Variants in SLC41A1 observed in about 807,000 individuals in gnomAD.
The protein encoded by SLC41A1 is solute carrier family 41 (magnesium transporter), member 1.
In SLC41A1, 20 loss-of-function variants were observed where a neutral mutation model predicts 47.3. The ratio of observed to expected loss-of-function variants is 0.42; its 90% CI spans 0.30 to 0.61. The LOEUF (loss-of-function observed/expected upper bound fraction) is 0.61. Ranked by LOEUF, SLC41A1 falls within the 20% of genes least tolerant of loss-of-function variation. The pLI, the probability that SLC41A1 is intolerant of heterozygous loss-of-function variation, is 0.17. For synonymous variants in SLC41A1, 282 were observed against 272.7 expected (o/e 1.03, Z -0.34); for missense variants, 504 against 674.1 (o/e 0.75, Z 2.79).
chr1:205,796,810 G>C, intron 8 of SLC41A1, 114 bp downstream of exon 8: 1 of 1,042,478 alleles, frequency 9.6e-7, no homozygotes, highest in Non-Finnish European at 1.5e-6. Flanking sequence ...ATCTGAGCTA[G>C]ATTCTCGTCT....
chr1:205,798,201 G>T, intron 6 of SLC41A1, 150 bp from the exon 7 acceptor site: 1 of 1,251,430 alleles, frequency 8.0e-7, no homozygotes, highest in Non-Finnish European at 1.1e-6. Context: ...TTCACTGGCA[G>T]CTCAGGAGGT....
chr1:205,797,770 G>A, intron 7 of SLC41A1, 134 bp downstream of exon 7: 1 of 1,194,408 alleles, frequency 8.4e-7, no homozygotes, highest in Non-Finnish European at 1.2e-6. Flanking sequence ...ATTTTCAACA[G>A]AAGGACATGT....
At position 205,791,821 on chromosome 1, in the gene SLC41A1, C is replaced by A; in HGVS notation, c.1357-103G>T. ...TCAGTGCATCACAGGGCTTGGCTGG[C>A]CATAATCCTTACTTTTTAATCTTCC... On this transcript the variant is annotated intron_variant, in intron 10 of 10. Transcript: ENST00000367137. This position sits in a 1 kb window ranked among gnomAD's most constrained non-coding sequence, Gnocchi z 4.0. 2.8e-6 allele frequency: 4 copies of A among 1,415,792 alleles called. No homozygotes were observed. Among genetic ancestry groups the A allele is most frequent in the Non-Finnish European group, 3.9e-6 (4 of 1,024,532 alleles). 87.7% of individuals were successfully genotyped at this position (1,415,792 alleles called of 1,614,324 possible).
chr1:205,807,713 T>G (rs1443172035), intron 2 of SLC41A1, among the ~76,000 whole-genome samples: 2 of 132,780 alleles, frequency 1.5e-5, no homozygotes, highest in African/African-American at 5.6e-5. Context: ...TGGAGTGCAG[T>G]GGTACAATCA....
At chr1:205,806,590 A>G (rs934104763) in intron 2 of SLC41A1, among the ~76,000 whole-genome samples, 6 of 152,202 alleles carry the variant, frequency 3.9e-5, no homozygotes, top group African/African-American at 1.4e-4. Context: ...AGGCTCCTGC[A>G]GTGAGGAGGC....
rs764745318 is a variant in SLC41A1 at position 205,798,943 on chromosome 1, C to A, written c.697+14G>T. 1.2e-6 allele frequency: 2 copies of A among 1,614,114 alleles called. No homozygotes were observed. Among genetic ancestry groups the A allele is most frequent in the East Asian group, 2.2e-5 (1 of 44,878 alleles). On this transcript the variant is annotated intron_variant, in intron 5 of 10. Transcript: ENST00000367137. ...GGCGGCACTCCTTACTCCTCTATGC[C>A]CTCCCTTTCTTACCCAGTACCAGGG...
At chr1:205,809,586 C>G (rs765866036) in intron 2 of SLC41A1, among the ~76,000 whole-genome samples, 2 of 152,204 alleles carry the variant, frequency 1.3e-5, no homozygotes, top group African/African-American at 4.8e-5. Flanking sequence ...AGCCTTCCTA[C>G]TTAATTTGAG....
chr1:205,798,936 T>C, intron 5 of SLC41A1, 21 bp downstream of exon 5: 1 of 1,614,148 alleles, frequency 6.2e-7, no homozygotes, highest in East Asian at 2.2e-5. Flanking sequence ...TCCTTACTCC[T>C]CTATGCCCTC....
At chr1:205,811,737 C>G (rs1257607822) in intron 1 of SLC41A1, among the ~76,000 whole-genome samples, 1 of 152,226 alleles carries the variant, frequency 6.6e-6, no homozygotes, top group Non-Finnish European at 1.5e-5. Context: ...CTACCCACTC[C>G]TGCCCTTGAG....
Position 205,794,154 on chromosome 1 carries a change from A to ACC in SLC41A1, c.1356+715_1356+716insGG, listed in dbSNP as rs959911891. On this transcript the variant is annotated intron_variant, in intron 10 of 10. Coordinates refer to ENST00000367137, the MANE Select transcript of SLC41A1 (RefSeq NM_173854.6). ...ATAGAACGAACACACACGCACACAC[A>ACC]CACACGAGTGCATGTAAAACTGGTT... Among the ~76,000 whole-genome samples, 11 of 77,180 alleles carry ACC rather than the reference A, an allele frequency of 1.4e-4. No individual in the cohort carries two copies. The South Asian group carries it at 3.3e-3, about 23-fold the overall frequency. The allele number at this position is 77,180 out of a possible 152,430, so 50.6% of individuals were successfully genotyped here.
intron 2 of SLC41A1, among the ~76,000 whole-genome samples, chr1:205,807,626 AAGAAAAT>A (rs1214297232): frequency 1.3e-5 from 2 of 151,540 alleles, no homozygotes; most frequent in African/African-American, 4.8e-5. Context: ...AGGAAAGACA[AAGAAAAT>A]AGGCTCCTCG....
intron 2 of SLC41A1, among the ~76,000 whole-genome samples, chr1:205,809,321 T>C (rs1656087074): frequency 6.6e-6 from 1 of 152,228 alleles, no homozygotes; most frequent in South Asian, 2.1e-4. Context: ...TCATCCTTCA[T>C]TCTACCCAAT....
rs1475568456 is a variant in SLC41A1 at position 205,798,798 on chromosome 1, C to T, written c.715G>A (p.Val239Ile). ...CCAATCTTGCGAGAGCCAATGATGA[C>T]TCCAATCATGATCATACCTGGTGAG... ...SLVLGMIMIG[V>I]IIGSRKIGIN... The change falls in exon 6 of 11, where the codon GTC becomes ATC. Residue 239 changes from valine to isoleucine, a missense_variant. Transcript: ENST00000367137. 1.2e-6 allele frequency: 2 copies of T among 1,614,118 alleles called. No homozygotes were observed. Among genetic ancestry groups the T allele is most frequent in the Admixed American group, 1.7e-5 (1 of 60,028 alleles).
Position 205,791,669 on chromosome 1 carries a change from C to A in SLC41A1, c.1406G>T (p.Gly469Val), listed in dbSNP as rs767997513. ...IADWMVHWMW[G>V]RGLDPDNFSI... Reference sequence around the variant, plus strand: ...GAAGTTGTCCGGGTCCAGGCCCCGGCCCCACATCCAGTGCACCATCCAGTC... The same window carrying A: ...GAAGTTGTCCGGGTCCAGGCCCCGGACCCACATCCAGTGCACCATCCAGTC... Residue 469 changes from glycine (G) to valine (V), a missense_variant, in exon 11 of 11, where the codon GGC becomes GTC. Transcript: ENST00000367137. The surrounding 1 kb of genome is among the most constrained non-coding windows in gnomAD (Gnocchi z 4.0). 28 of 1,613,948 alleles carry A rather than the reference C, an allele frequency of 1.7e-5. No individual in the cohort carries two copies. The highest frequency in any genetic ancestry group is 3.3e-4 in the Middle Eastern group (2 of 6,062).
chr1:205,803,475 A>T (rs1655936764), intron 2 of SLC41A1, among the ~76,000 whole-genome samples: 1 of 152,106 alleles, frequency 6.6e-6, no homozygotes, highest in Non-Finnish European at 1.5e-5. Context: ...GTACATATAT[A>T]CCATGGAATA....
intron 2 of SLC41A1, among the ~76,000 whole-genome samples, chr1:205,804,629 A>C (rs1440511671): frequency 6.6e-6 from 1 of 152,138 alleles, no homozygotes; most frequent in Non-Finnish European, 1.5e-5. Context: ...AGCTCCCTGC[A>C]GTCTGGCCTT....
intron 3 of SLC41A1, among the ~76,000 whole-genome samples, chr1:205,800,198 G>A (rs1571644448): frequency 6.6e-6 from 1 of 152,356 alleles, no homozygotes; most frequent in East Asian, 1.9e-4. Flanking sequence ...CGATCCCAGG[G>A]AAGGAAAGGT....
intron 2 of SLC41A1, among the ~76,000 whole-genome samples, chr1:205,805,894 C>T (rs1656004591): frequency 6.6e-6 from 1 of 152,216 alleles, no homozygotes; most frequent in African/African-American, 2.4e-5. Context: ...TGGCCTGAGC[C>T]ACCTCAGGAG....
At chr1:205,801,579 A>T in intron 2 of SLC41A1, 1 of 182,308 alleles carries the variant, frequency 5.5e-6, no homozygotes, top group Non-Finnish European at 1.2e-5. Flanking sequence ...AGCCACAGCA[A>T]CTCTCCTTCT....
Sources: allele counts gnomAD v4.1 joint callset (sites outside exome capture counted in the v4.1 genomes callset), GRCh38; gene constraint gnomAD v4.1.1; non-coding constraint Gnocchi (gnomAD v3.1); transcripts MANE v1.5; gene names NCBI Gene and HGNC (gene_info 2026-07-23, HGNC 2026-07-21).